TMTC4: variants seen among roughly 807,000 people sequenced by gnomAD.
TMTC4 encodes transmembrane O-mannosyltransferase targeting cadherins 4.
Under a neutral mutation model 86.0 loss-of-function variants are expected in TMTC4, and 65 were observed. The observed-to-expected ratio is 0.76, with a 90% CI of 0.62 to 0.93. TMTC4 has a LOEUF of 0.93. TMTC4 is among the 40% of genes least tolerant of loss of function. TMTC4 has a pLI of 0.00. For missense variants in TMTC4, 866 were observed against 948.1 expected, an observed-to-expected ratio of 0.91 and a Z score of 1.14; for synonymous variants, 379 against 382.5, an observed-to-expected ratio of 0.99 and a Z score of 0.11.
chr13:100,631,557 A>G (rs1229581590), intron 12 of TMTC4, among the ~76,000 whole-genome samples: 1 of 152,232 alleles, frequency 6.6e-6, no homozygotes, highest in Non-Finnish European at 1.5e-5. Context: ...GCTGAATTCA[A>G]TAACTAATAT....
At chr13:100,674,096 G>C (rs1191904934) in intron 1 of TMTC4, 48 of 984,940 alleles carry the variant, frequency 4.9e-5, no homozygotes, top group Non-Finnish European at 5.3e-5. Context: ...GCAGGAGGTG[G>C]GCAGTGGCTG....
chr13:100,627,000 G>T (rs1200996070), intron 12 of TMTC4, among the ~76,000 whole-genome samples: 1 of 152,178 alleles, frequency 6.6e-6, no homozygotes, highest in Non-Finnish European at 1.5e-5. Context: ...TTTCCGCCAC[G>T]TGAGGACACA....
At chr13:100,624,892 T>C (rs1266734321) in intron 15 of TMTC4, 1 of 152,376 alleles carries the variant, frequency 6.6e-6, no homozygotes, top group African/African-American at 2.4e-5. Flanking sequence ...CATTCGTGTT[T>C]AAAGAATTTT....
At chr13:100,662,882 C>A in intron 5 of TMTC4, 82 bp downstream of exon 5, 1 of 1,477,154 alleles carries the variant, frequency 6.8e-7, no homozygotes, top group Non-Finnish European at 9.4e-7. Flanking sequence ...ATAAAGGGAG[C>A]CTGTTTTAGG....
At chr13:100,614,742 A>C (rs993402543) in intron 15 of TMTC4, among the ~76,000 whole-genome samples, 1 of 152,184 alleles carries the variant, frequency 6.6e-6, no homozygotes, top group Non-Finnish European at 1.5e-5. Flanking sequence ...CCGAACCTGT[A>C]ATGTCCTATT....
intron 15 of TMTC4, among the ~76,000 whole-genome samples, chr13:100,622,648 C>T (rs528976799): frequency 1.3e-5 from 2 of 152,152 alleles, no homozygotes; most frequent in African/African-American, 4.8e-5. Context: ...GCCTCCCCAG[C>T]CACATGGAAC....
intron 12 of TMTC4, among the ~76,000 whole-genome samples, chr13:100,630,759 A>G (rs1881246604): frequency 6.6e-6 from 1 of 152,220 alleles, no homozygotes; most frequent in Non-Finnish European, 1.5e-5. Flanking sequence ...CTCAATAAAA[A>G]GCCCAGACAA....
At chr13:100,648,284 G>A (rs898231092) in intron 6 of TMTC4, among the ~76,000 whole-genome samples, 1 of 151,866 alleles carries the variant, frequency 6.6e-6, no homozygotes. Context: ...CAGGTGGGAT[G>A]TGTTGTTAGT....
intron 6 of TMTC4, among the ~76,000 whole-genome samples, chr13:100,644,664 T>C (rs987229086): frequency 6.6e-6 from 1 of 152,192 alleles, no homozygotes; most frequent in African/African-American, 2.4e-5. Flanking sequence ...AATTTCTAGA[T>C]TTAAAATACA....
At chr13:100,650,088 A>C (rs953548102) in intron 6 of TMTC4, among the ~76,000 whole-genome samples, 1 of 152,092 alleles carries the variant, frequency 6.6e-6, no homozygotes. Context: ...ATGGGAAAAA[A>C]AAAAACAAAA....
intron 1 of TMTC4, among the ~76,000 whole-genome samples, chr13:100,673,514 T>C (rs1566657013): frequency 6.6e-6 from 1 of 152,206 alleles, no homozygotes; most frequent in Non-Finnish European, 1.5e-5. Context: ...TTTGTGACCC[T>C]GCATCCCTGG....
chr13:100,618,689 T>C (rs1177435424), intron 15 of TMTC4, among the ~76,000 whole-genome samples: 3 of 152,118 alleles, frequency 2.0e-5, no homozygotes, highest in East Asian at 3.9e-4. Flanking sequence ...GTGGTGATGA[T>C]TCTTAACGAG....
intron 6 of TMTC4, among the ~76,000 whole-genome samples, chr13:100,647,478 T>C (rs1883908670): frequency 1.3e-5 from 2 of 152,070 alleles, no homozygotes; most frequent in South Asian, 4.1e-4. Context: ...TCTTTCACTC[T>C]CAGAATTTGT....
Position 100,635,188 on chromosome 13 carries a change from T to A in TMTC4, c.1210A>T (p.Thr404Ser). Residue 404 changes from threonine to serine, a missense_variant, in exon 11 of 19, where the codon ACT (threonine) becomes TCT (serine). Coordinates refer to ENST00000342624, the MANE Select transcript of TMTC4 (RefSeq NM_032813.5). Reference sequence around the variant, plus strand: ...ATAACGAGAAATCCCAGGCCCAGAGTAAGGATCCTGGATGATGAAAAGTAT... The same window carrying A: ...ATAACGAGAAATCCCAGGCCCAGAGAAAGGATCCTGGATGATGAAAAGTAT... ...SEDGHKRRILTLGLGFLVIPF... is the reference protein window; with the variant it reads ...SEDGHKRRILSLGLGFLVIPF... The A allele has an allele frequency of 6.2e-7, 1 of 1,601,430 alleles. No homozygotes were observed. Among genetic ancestry groups the A allele is most frequent in the Non-Finnish European group, 8.5e-7 (1 of 1,174,764 alleles).
At chr13:100,666,518 C>T (rs189687162) in intron 3 of TMTC4, among the ~76,000 whole-genome samples, 32 of 152,342 alleles carry the variant, frequency 2.1e-4, no homozygotes, top group East Asian at 1.7e-3. Flanking sequence ...ACATACAACA[C>T]GGCTCGTGTT....
At chr13:100,674,066 C>A in intron 1 of TMTC4, 1 of 985,260 alleles carries the variant, frequency 1.0e-6, no homozygotes, top group South Asian at 4.7e-5. Context: ...ATCAACAAGA[C>A]CAGAAGCCCC....
At chr13:100,667,384 G>A (rs928462335) in intron 3 of TMTC4, among the ~76,000 whole-genome samples, 2 of 152,094 alleles carry the variant, frequency 1.3e-5, no homozygotes, top group Admixed American at 6.6e-5. Context: ...AGCCAAAATC[G>A]TGACACTGTG....
chr13:100,613,007 C>T (rs1877888554), intron 16 of TMTC4, among the ~76,000 whole-genome samples: 5 of 152,162 alleles, frequency 3.3e-5, no homozygotes, highest in Admixed American at 3.3e-4. Flanking sequence ...TGATGGGGTG[C>T]ATGTGATACT....
rs562299638 is a variant in TMTC4 at position 100,655,203 on chromosome 13, G to A, written c.640+1178C>T. 8.7e-4 allele frequency among the ~76,000 whole-genome samples: 133 copies of A among 152,064 alleles called. 1 individual carries two copies. Among genetic ancestry groups the A allele is most frequent in the African/African-American group, 3.1e-3 (130 of 41,486 alleles). ...CACCTGGCTAATTTTTGTACTTTTAGTAGAGATGAGGGTTTCACTATGTTG... is the reference window on the plus strand; with the variant it reads ...CACCTGGCTAATTTTTGTACTTTTAATAGAGATGAGGGTTTCACTATGTTG... On this transcript the variant is annotated intron_variant, in intron 6 of 18. Transcript: ENST00000342624.
Sources: gnomAD v4.1 joint callset for allele counts (sites outside exome capture counted in the v4.1 genomes callset) on GRCh38, gnomAD v4.1.1 for gene constraint, MANE v1.5 for transcripts, NCBI Gene and HGNC (gene_info 2026-07-23, HGNC 2026-07-21) for gene names.